Variants in DNAH9 observed in about 807,000 individuals in gnomAD.
DNAH9 encodes DNAH9 variant protein.
DNAH9 carries 345 observed loss-of-function variants against 471.6 expected under a neutral mutation model. The ratio of observed to expected loss-of-function variants is 0.73; its 90% CI spans 0.67 to 0.80. The LOEUF (loss-of-function observed/expected upper bound fraction) is 0.80. Among genes scored for constraint, DNAH9 ranks in the 30% least tolerant of loss-of-function variants. The pLI is 0.00. For missense variants in DNAH9, 5,407 were observed against 5,609.2 expected (o/e 0.96, Z 1.15); for synonymous variants, 2,093 against 2,123.6 (o/e 0.99, Z 0.40).
At position 11,942,452 on chromosome 17, in the gene DNAH9, G is replaced by C; in HGVS notation, c.12810G>C (p.Gln4270His). ...GRMNILTREI[Q>H]RSLRELELGL... Reference sequence around the variant, plus strand: ...TGAATATCCTCACCAGAGAGATTCAGCGCTCACTGAGGGAGCTGGAGCTCG... The same window carrying C: ...TGAATATCCTCACCAGAGAGATTCACCGCTCACTGAGGGAGCTGGAGCTCG... Residue 4270 changes from glutamine (Q) to histidine (H), a missense_variant, in exon 67 of 69, where the codon CAG (glutamine) becomes CAC (histidine). Physicochemically the swap from Gln to His is conservative, Grantham distance 24. Transcript: ENST00000262442. The C allele has an allele frequency of 6.2e-7, 1 of 1,614,166 alleles. No homozygotes were observed. Among genetic ancestry groups the C allele is most frequent in the Non-Finnish European group, 8.5e-7 (1 of 1,180,032 alleles).
rs764641243 is a variant in DNAH9 at position 11,752,926 on chromosome 17, T to C, written c.6704T>C (p.Ile2235Thr). 13 of 1,605,966 alleles carry C rather than the reference T, an allele frequency of 8.1e-6. No individual in the cohort carries two copies. In the Admixed American group the frequency reaches 1.9e-4, roughly 23 times the overall value. The change falls in exon 33 of 69, where the codon ATT (isoleucine) becomes ACT (threonine). Residue 2235 changes from isoleucine (I) to threonine (T), a missense_variant. By Grantham distance (89) the Ile-to-Thr change is moderately conservative. Transcript: ENST00000262442. ...GATGGCGACATAGATCCAATGTGGA[T>C]TGAATCCCTGAATACTGTCATGGAT... ...LLDGDIDPMWIESLNTVMDDN... is the reference protein window; with the variant it reads ...LLDGDIDPMWTESLNTVMDDN...
rs75156224 is a variant in DNAH9 at position 11,842,391 on chromosome 17, A to G, written c.9507+7493A>G. Among the ~76,000 whole-genome samples the G allele has an allele frequency of 1.0e-2, 1,523 of 152,334 alleles. 23 individuals carry two copies. The highest frequency in any genetic ancestry group is 0.035 in the African/African-American group (1,452 of 41,572). On this transcript the variant is annotated intron_variant, in intron 49 of 68. Coordinates refer to ENST00000262442, the MANE Select transcript of DNAH9 (RefSeq NM_001372.4). ...AAGCTTTGTAGTCACTGTATTAGTC[A>G]GGTTCTCTAGAGGGACAGAACTAAT...
intron 56 of DNAH9, among the ~76,000 whole-genome samples, 185 bp downstream of exon 56, chr17:11,883,935 A>C (rs1972804404): frequency 6.6e-6 from 1 of 152,116 alleles, no homozygotes; most frequent in Admixed American, 6.5e-5. Context: ...TACCCCATAT[A>C]TCTTGTATTA....
intron 26 of DNAH9, among the ~76,000 whole-genome samples, chr17:11,710,440 CTG>C (rs951562434): frequency 6.6e-6 from 1 of 152,140 alleles, no homozygotes; most frequent in African/African-American, 2.4e-5. Flanking sequence ...TCGTGAAAAA[CTG>C]TTATTCCTAC....
At chr17:11,676,275 CTTTTTTTTTT>C (rs67397847) in intron 17 of DNAH9, among the ~76,000 whole-genome samples, 3 of 73,900 alleles carry the variant, frequency 4.1e-5, no homozygotes, top group East Asian at 3.8e-4. Context: ...CATTTCTGTT[CTTTTTTTTTT>C]TTTTTTTTTT....
chr17:11,619,787 T>G lies in DNAH9; in HGVS notation c.1350+6T>G, dbSNP rs761738532. ...GACAACTGCACGTGGTGGAGGTGAG[T>G]GCGCACCTCACCTCAGGCTGCCAGC... On this transcript the variant is annotated splice_donor_region_variant and intron_variant, in intron 6 of 68. Transcript: ENST00000262442. The G allele has an allele frequency of 6.6e-7, 1 of 1,522,058 alleles. No individual in the cohort carries two copies. Among genetic ancestry groups the G allele is most frequent in the Non-Finnish European group, 9.1e-7 (1 of 1,096,224 alleles). The allele number at this position is 1,522,058 out of a possible 1,614,324, so 94.3% of individuals were successfully genotyped here. A position where few individuals can be genotyped will look rare whatever the true frequency, so the allele number is the denominator to read the frequency against.
chr17:11,969,146 A>C (rs1976988513), intron 68 of DNAH9, among the ~76,000 whole-genome samples, 154 bp from the exon 69 acceptor site: 1 of 152,208 alleles, frequency 6.6e-6, no homozygotes, highest in Admixed American at 6.5e-5. Context: ...GATGCATTCC[A>C]TCAAAGGCTG....
chr17:11,934,211 G>A lies in DNAH9; in HGVS notation c.12489+140G>A, dbSNP rs372746022. The A allele has an allele frequency of 3.4e-5, 29 of 846,204 alleles. No individual in the cohort carries two copies. In the Admixed American group the frequency reaches 3.6e-4, roughly 11 times the overall value. The allele number at this position is 846,204 out of a possible 1,614,324, so 52.4% of individuals were successfully genotyped here. ...TGCAGGCAGGGGCTGAGGCAAAAGG[G>A]CTTAGACAGCTGAGCTCATGTCAAA... is the stretch of plus-strand genomic sequence containing the variant. On this transcript the variant is annotated intron_variant, in intron 65 of 68. Transcript: ENST00000262442.
rs1275102578 is a variant in DNAH9, at chr17:11,611,631, C to T, written c.774-19C>T. ...TTCCTGATGCTTCCCTGGATTCACC[C>T]TTCTTCATGATATTGCAGGTATGAA... On this transcript the variant is annotated intron_variant, in intron 3 of 68. Coordinates refer to ENST00000262442, the MANE Select transcript of DNAH9 (RefSeq NM_001372.4). 5 of 1,611,782 alleles carry T rather than the reference C, an allele frequency of 3.1e-6. No homozygotes were observed. The highest frequency in any genetic ancestry group is 4.2e-6 in the Non-Finnish European group (5 of 1,178,114).
intron 50 of DNAH9, among the ~76,000 whole-genome samples, chr17:11,866,779 G>A (rs1050917645): frequency 2.0e-5 from 3 of 152,242 alleles, no homozygotes; most frequent in African/African-American, 4.8e-5. Flanking sequence ...TCAGACTGCT[G>A]TGCTAGCAAT....
At chr17:11,805,759 G>A (rs1597671712) in intron 43 of DNAH9, among the ~76,000 whole-genome samples, 1 of 151,890 alleles carries the variant, frequency 6.6e-6, no homozygotes, top group Admixed American at 6.6e-5. Context: ...CACCATGTTG[G>A]CCAGGCTGGT....
intron 23 of DNAH9, 43 bp downstream of exon 23, chr17:11,699,926 A>C: frequency 6.2e-7 from 1 of 1,600,350 alleles, no homozygotes; most frequent in South Asian, 1.1e-5. Flanking sequence ...TTTCTCTCTC[A>C]AATGCCTTCA....
At chr17:11,613,258 G>T (rs2072674430) in intron 4 of DNAH9, among the ~76,000 whole-genome samples, 1 of 152,134 alleles carries the variant, frequency 6.6e-6, no homozygotes, top group Non-Finnish European at 1.5e-5. Context: ...CAGGAGACAG[G>T]TGTCCCCAGA....
chr17:11,653,017 A>C lies in DNAH9; in HGVS notation c.2595+15A>C. 1.9e-6 allele frequency: 3 copies of C among 1,612,196 alleles called. No individual in the cohort carries two copies. Among genetic ancestry groups the C allele is most frequent in the Non-Finnish European group, 2.5e-6 (3 of 1,179,528 alleles). On this transcript the variant is annotated intron_variant, in intron 14 of 68. Coordinates refer to ENST00000262442, the MANE Select transcript of DNAH9 (RefSeq NM_001372.4). ...CCCTTGTTCAGGTAATAACCCAGCC[A>C]CTCAGGCGCACATACTACGAGTTTA... is the stretch of plus-strand genomic sequence containing the variant.
At chr17:11,855,197 C>A (rs1266032927) in intron 50 of DNAH9, among the ~76,000 whole-genome samples, 2 of 152,060 alleles carry the variant, frequency 1.3e-5, no homozygotes, top group Non-Finnish European at 2.9e-5. Context: ...CCACTGAGCC[C>A]AGCCCAGAAT....
In DNAH9 at chr17:11,891,701, A is replaced by G. The variant is rs1317779812; in HGVS notation, c.11113-76A>G. Reference sequence around the variant, plus strand: ...TTTCTATGGGCTGGAAAACTATCACATTCTTCGCAGGTAAGACCACTAGTG... The same window carrying G: ...TTTCTATGGGCTGGAAAACTATCACGTTCTTCGCAGGTAAGACCACTAGTG... On this transcript the variant is annotated intron_variant, in intron 57 of 68. Transcript: ENST00000262442. 2.7e-6 allele frequency: 4 copies of G among 1,494,284 alleles called. No individual in the cohort carries two copies. In the African/African-American group the frequency reaches 4.2e-5, roughly 16 times the overall value. The allele number at this position is 1,494,284 out of a possible 1,614,324, so 92.6% of individuals were successfully genotyped here. A position where few individuals can be genotyped will look rare whatever the true frequency, so the allele number is the denominator to read the frequency against.
Position 11,669,374 on chromosome 17 carries a change from A to T in DNAH9, c.2933A>T (p.Asp978Val). The change falls in exon 17 of 69, where the codon GAC (aspartate) becomes GTC (valine). Residue 978 changes from aspartate (D) to valine (V), a missense_variant. This residue lies in a region of DNAH9 where 4,636 missense variants were observed against 4,900.3 expected (regional missense o/e 0.95). Transcript: ENST00000262442. ...GCCGTTGTCTCGCTTCCCCAGGTCG[A>T]CCTGGACGGTATACCAGATTTGGCA... ...PQNGSPHYQV[D>V]LDGIPDLANM... 1 of 1,610,286 alleles carries T rather than the reference A, an allele frequency of 6.2e-7. No homozygotes were observed. The highest frequency in any genetic ancestry group is 2.2e-5 in the East Asian group (1 of 44,814).
intron 14 of DNAH9, among the ~76,000 whole-genome samples, chr17:11,662,439 T>C (rs1223222018): frequency 5.3e-5 from 8 of 152,160 alleles, no homozygotes; most frequent in African/African-American, 9.7e-5. Context: ...AGACAGAAGT[T>C]TAATTTTCTC....
At chr17:11,828,469 G>A (rs565507483) in intron 48 of DNAH9, among the ~76,000 whole-genome samples, 29 of 39,144 alleles carry the variant, frequency 7.4e-4, no homozygotes, top group South Asian at 5.8e-3. Context: ...GTGAAACTCC[G>A]TCTCAAAAAA....
Sources: allele counts gnomAD v4.1 joint callset (sites outside exome capture counted in the v4.1 genomes callset), GRCh38; gene constraint gnomAD v4.1.1; regional missense constraint gnomAD v4.1.1; transcripts MANE v1.5; gene names NCBI Gene and HGNC (gene_info 2026-07-23, HGNC 2026-07-21).